RSPH1: variants seen among roughly 807,000 people sequenced by gnomAD.
The protein encoded by RSPH1 is radial spoke head component 1.
RSPH1 carries 32 observed loss-of-function variants against 44.2 expected under a neutral mutation model. The observed-to-expected ratio is 0.72, with a 90% CI of 0.55 to 0.97. RSPH1 has a LOEUF of 0.97. RSPH1 is among the 50% of genes least tolerant of loss of function. The pLI is 0.00. For missense variants in RSPH1, 391 were observed against 398.7 expected, an observed-to-expected ratio of 0.98 and a Z score of 0.16; for synonymous variants, 134 against 147.3, an observed-to-expected ratio of 0.91 and a Z score of 0.65.
chr21:42,493,788 T>C (rs966784222), intron 1 of RSPH1, among the ~76,000 whole-genome samples: 3 of 152,248 alleles, frequency 2.0e-5, no homozygotes, highest in African/African-American at 7.2e-5. Context: ...CCTCACTCTG[T>C]TGCCAAGGCT....
intron 6 of RSPH1, among the ~76,000 whole-genome samples, chr21:42,478,769 A>G (rs947714600): frequency 6.6e-6 from 1 of 152,258 alleles, no homozygotes; most frequent in Non-Finnish European, 1.5e-5. Context: ...AGCATTATTC[A>G]TAATAGCTAA....
intron 8 of RSPH1, 51 bp from the exon 9 acceptor site, chr21:42,472,921 T>C: frequency 7.5e-7 from 1 of 1,337,222 alleles, no homozygotes; most frequent in East Asian, 2.3e-5. Flanking sequence ...TTTGTTCTAT[T>C]TTTAAAGCCT....
In RSPH1 at chr21:42,477,661, A is replaced by G. The variant is rs7281187; in HGVS notation, c.574-217T>C. ...TTGAAAGAGCCAGGGTGAGGAATAA[A>G]GTCTCCAGAGCAATGCTGGGCCAGC... On this transcript the variant is annotated intron_variant, in intron 6 of 8. Coordinates refer to ENST00000291536, the MANE Select transcript of RSPH1 (RefSeq NM_080860.4). Among the ~76,000 whole-genome samples the G allele has an allele frequency of 1, 152,295 of 152,304 alleles. 76,143 individuals are homozygous for G. Among genetic ancestry groups the G allele is most frequent in the Non-Finnish European group, 1 (68,040 of 68,040 alleles).
chr21:42,489,512 G>C (rs1341583115), intron 3 of RSPH1, among the ~76,000 whole-genome samples: 1 of 152,202 alleles, frequency 6.6e-6, no homozygotes, highest in East Asian at 1.9e-4. Context: ...AGCTCTCCAA[G>C]ATGCTCCTCC....
At chr21:42,476,539 C>G (rs540694931) in intron 7 of RSPH1, among the ~76,000 whole-genome samples, 1 of 152,160 alleles carries the variant, frequency 6.6e-6, no homozygotes, top group African/African-American at 2.4e-5. Context: ...GGGGTAGCCA[C>G]CTTCAACTTT....
intron 6 of RSPH1, among the ~76,000 whole-genome samples, chr21:42,479,714 T>G (rs2054106020): frequency 6.9e-6 from 1 of 145,132 alleles, no homozygotes; most frequent in South Asian, 2.2e-4. Flanking sequence ...TCTGACTATG[T>G]GTGTAGGAGG....
At chr21:42,476,270 G>A (rs1172719174) in intron 7 of RSPH1, among the ~76,000 whole-genome samples, 1 of 152,096 alleles carries the variant, frequency 6.6e-6, no homozygotes, top group East Asian at 1.9e-4. Context: ...GGAGCAGGTA[G>A]TCTGATAACT....
At chr21:42,473,170 A>C (rs368316842) in intron 8 of RSPH1, among the ~76,000 whole-genome samples, 2 of 152,226 alleles carry the variant, frequency 1.3e-5, no homozygotes, top group African/African-American at 2.4e-5. Context: ...TTGTGGCTAA[A>C]ACATGTAATT....
At chr21:42,495,490 G>T (rs1435543522) in intron 1 of RSPH1, among the ~76,000 whole-genome samples, 1 of 152,196 alleles carries the variant, frequency 6.6e-6, no homozygotes, top group African/African-American at 2.4e-5. Context: ...CTGGGTGATA[G>T]AAATATTCCC....
rs2054286937 is a variant in RSPH1, at chr21:42,496,174, C to T, written c.13G>A (p.Gly5Ser). ...CCCTCCTCCTCCAACTCCTCCGAGC[C>T]CAGGTCCGACATGGTCTCGCCCCAG... MSDL[G>S]SEELEEEGEN... Residue 5 changes from glycine to serine, a missense_variant, in exon 1 of 9, where the codon GGC becomes AGC. Physicochemically the swap from Gly to Ser is moderately conservative, Grantham distance 56 (BLOSUM62 0). Coordinates refer to ENST00000291536, the MANE Select transcript of RSPH1 (RefSeq NM_080860.4). 1 of 1,614,248 alleles carries T rather than the reference C, an allele frequency of 6.2e-7. No homozygotes were observed. Among genetic ancestry groups the T allele is most frequent in the Non-Finnish European group, 8.5e-7 (1 of 1,180,042 alleles).
chr21:42,479,897 G>A (rs1414117735), intron 6 of RSPH1, among the ~76,000 whole-genome samples: 1 of 152,152 alleles, frequency 6.6e-6, no homozygotes, highest in Non-Finnish European at 1.5e-5. Flanking sequence ...GTGCTCAGAG[G>A]AGGTAGGGCC....
intron 4 of RSPH1, 185 bp downstream of exon 4, chr21:42,486,186 T>C (rs2054178937): frequency 5.0e-6 from 3 of 601,630 alleles, no homozygotes; most frequent in Admixed American, 2.8e-5. Context: ...TGTCAGATAC[T>C]TGAGTCTACA....
In RSPH1 at chr21:42,474,391, C is replaced by T. The variant is rs1480522656; in HGVS notation, c.877+1507G>A. ...GGTGAGTCATCACCTCTCCTGGGTA[C>T]ATGGTAACACGTCCCTGTCACTGCA... On this transcript the variant is annotated intron_variant, in intron 8 of 8. Transcript: ENST00000291536. This position sits in a 1 kb window ranked among gnomAD's most constrained non-coding sequence, Gnocchi z 5.2. 1.3e-5 allele frequency among the ~76,000 whole-genome samples: 2 copies of T among 151,572 alleles called. No homozygotes were observed. Among genetic ancestry groups the T allele is most frequent in the Non-Finnish European group, 2.9e-5 (2 of 68,030 alleles).
intron 1 of RSPH1, among the ~76,000 whole-genome samples, chr21:42,493,424 G>C (rs2054256171): frequency 6.6e-6 from 1 of 152,208 alleles, no homozygotes; most frequent in Non-Finnish European, 1.5e-5. Context: ...TTCTTAGTAG[G>C]AACATGCTTG....
intron 8 of RSPH1, among the ~76,000 whole-genome samples, chr21:42,473,585 T>C (rs896187717): frequency 1.3e-5 from 2 of 152,132 alleles, no homozygotes; most frequent in African/African-American, 2.4e-5. Flanking sequence ...TTATTATTAA[T>C]TAAACTCTAT....
chr21:42,475,214 T>G (rs1025996003), intron 8 of RSPH1, among the ~76,000 whole-genome samples: 1 of 152,138 alleles, frequency 6.6e-6, no homozygotes, highest in Non-Finnish European at 1.5e-5. Context: ...AGTTTCTAGA[T>G]TAATCTTACA....
At chr21:42,475,672 C>T (rs1009029214) in intron 8 of RSPH1, among the ~76,000 whole-genome samples, 13 of 140,994 alleles carry the variant, frequency 9.2e-5, no homozygotes, top group Admixed American at 6.9e-4. Context: ...GCATGGGCAC[C>T]GCTGCACACC....
In RSPH1 at chr21:42,493,102, A is replaced by G. The variant is rs746804671; in HGVS notation, c.55-23T>C. On this transcript the variant is annotated intron_variant, in intron 1 of 8. Transcript: ENST00000291536. ...TTCCTGGGTAATGAAAATTGACACA[A>G]TTACAGCTACCATTCATTAAGCGCT... 10 of 1,587,650 alleles carry G rather than the reference A, an allele frequency of 6.3e-6. No homozygotes were observed. In the South Asian group the frequency reaches 7.8e-5, roughly 12 times the overall value.
At chr21:42,476,842 C>T (rs1387155795) in intron 7 of RSPH1, among the ~76,000 whole-genome samples, 1 of 152,172 alleles carries the variant, frequency 6.6e-6, no homozygotes, top group Non-Finnish European at 1.5e-5. Flanking sequence ...CAAAGGCTCT[C>T]CCTAATAACA....
Sources: gnomAD v4.1 joint callset for allele counts (sites outside exome capture counted in the v4.1 genomes callset) on GRCh38, gnomAD v4.1.1 for gene constraint, Gnocchi (gnomAD v3.1) non-coding constraint, MANE v1.5 for transcripts, NCBI Gene and HGNC (gene_info 2026-07-23, HGNC 2026-07-21) for gene names.